Variants in NKAIN3 observed in about 807,000 individuals in gnomAD.
NKAIN3 encodes sodium/potassium transporting ATPase interacting 3, also known as sodium/potassium-transporting ATPase subunit beta-1-interacting protein 3.
NKAIN3 carries 25 observed loss-of-function variants against 30.2 expected under a neutral mutation model. That is an observed-to-expected ratio of 0.83 (90% CI 0.60 to 1.16). The LOEUF is 1.16. Among genes scored for constraint, NKAIN3 ranks in the 50% most tolerant of loss-of-function variants. The pLI is 0.00. For missense variants in NKAIN3, 225 were observed against 254.1 expected (o/e 0.89, Z 0.78); for synonymous variants, 91 against 89.6 (o/e 1.02, Z -0.09).
intron 1 of NKAIN3, among the ~76,000 whole-genome samples, chr8:62,491,462 C>T (rs1015967917): frequency 2.6e-5 from 4 of 152,166 alleles, no homozygotes; most frequent in Admixed American, 6.5e-5. Context: ...CTAGCCCCCA[C>T]ATGTGAATGG....
intron 4 of NKAIN3, among the ~76,000 whole-genome samples, chr8:62,790,884 A>T (rs1189718786): frequency 1.3e-5 from 2 of 152,056 alleles, no homozygotes; most frequent in Non-Finnish European, 2.9e-5. Flanking sequence ...ATCTCTGCCT[A>T]GGTGAGTGGT....
At position 62,341,416 on chromosome 8, in the gene NKAIN3, G is replaced by C. The variant is rs566388694; in HGVS notation, c.54+92289G>C. 2.0e-5 allele frequency among the ~76,000 whole-genome samples: 3 copies of C among 152,098 alleles called. No homozygotes were observed. The South Asian group carries it at 6.2e-4, about 32-fold the overall frequency. Reference sequence around the variant, plus strand: ...TCATTCTAGAAATAATACACCTTGTGAGTTAGAAGCAACCTTGAAGTGCAT... The same window carrying C: ...TCATTCTAGAAATAATACACCTTGTCAGTTAGAAGCAACCTTGAAGTGCAT... On this transcript the variant is annotated intron_variant, in intron 1 of 6. Coordinates refer to ENST00000623646, the MANE Select transcript of NKAIN3 (RefSeq NM_001304533.3).
At chr8:62,763,391 G>A (rs1018887663) in intron 4 of NKAIN3, among the ~76,000 whole-genome samples, 2 of 152,082 alleles carry the variant, frequency 1.3e-5, no homozygotes, top group Admixed American at 6.6e-5. Flanking sequence ...CAATTAGTGT[G>A]TATCAGCATT....
intron 2 of NKAIN3, among the ~76,000 whole-genome samples, chr8:62,581,108 AAT>A (rs1166940067): frequency 7.3e-6 from 1 of 136,300 alleles, no homozygotes; most frequent in Admixed American, 7.9e-5. Flanking sequence ...GTCTCAAAAA[AAT>A]ATAAAATAAA....
rs1804638317 is a variant in NKAIN3 at position 62,421,457 on chromosome 8, C to T, written c.55-158082C>T. Among the ~76,000 whole-genome samples the T allele has an allele frequency of 4.6e-5, 7 of 152,108 alleles. No homozygotes were observed. In the South Asian group the frequency reaches 1.5e-3, roughly 32 times the overall value. On this transcript the variant is annotated intron_variant, in intron 1 of 6. Transcript: ENST00000623646. ...AAGTCTAAGTGTGTATGTACTTTGG[C>T]AGTGCAGGAGAGGATCTAATCCCCA...
chr8:62,750,899 C>A (rs1816259555), intron 4 of NKAIN3, among the ~76,000 whole-genome samples: 1 of 152,088 alleles, frequency 6.6e-6, no homozygotes, highest in East Asian at 1.9e-4. Context: ...ATATGCTCAT[C>A]ACTTCTCACC....
chr8:62,593,869 T>C (rs142855242), intron 3 of NKAIN3, among the ~76,000 whole-genome samples: 2,593 of 152,140 alleles, frequency 0.017, 76 homozygotes, highest in African/African-American at 0.059. Context: ...TAGTCTTCAC[T>C]TCCCCCAAAT....
chr8:62,838,175 AAT>A (rs1316155302), intron 4 of NKAIN3, among the ~76,000 whole-genome samples: 1 of 151,086 alleles, frequency 6.6e-6, no homozygotes, highest in Non-Finnish European at 1.5e-5. Context: ...CATATCATGA[AAT>A]ATACTCAAGC....
chr8:62,448,146 T>C (rs1272496653), intron 1 of NKAIN3, among the ~76,000 whole-genome samples: 1 of 151,948 alleles, frequency 6.6e-6, no homozygotes, highest in East Asian at 1.9e-4. Context: ...CTCTGACATA[T>C]GCCACATTTA....
At chr8:62,547,391 T>G (rs533263849) in intron 1 of NKAIN3, among the ~76,000 whole-genome samples, 21 of 152,288 alleles carry the variant, frequency 1.4e-4, no homozygotes, top group African/African-American at 5.1e-4. Flanking sequence ...TGAAGCCTTG[T>G]GTAAAAAGGA....
chr8:62,926,227 A>T (rs561533594), intron 5 of NKAIN3, among the ~76,000 whole-genome samples: 574 of 152,344 alleles, frequency 3.8e-3, no homozygotes, highest in Non-Finnish European at 6.6e-3. Flanking sequence ...TATCCTGGTT[A>T]TTAGTGGTAA....
At chr8:62,652,238 C>A (rs1052084056) in intron 3 of NKAIN3, among the ~76,000 whole-genome samples, 1 of 152,156 alleles carries the variant, frequency 6.6e-6, no homozygotes. Context: ...TTTAAGAGAA[C>A]TATTACTTGG....
In NKAIN3 at chr8:62,775,575, G is replaced by C. The variant is rs1212984238; in HGVS notation, c.471+28446G>C. ...CTGTCCTCTTAGTACTGCTATTGCT[G>C]TATTCCATAGGTTTTTGCAGGTCAT... On this transcript the variant is annotated intron_variant, in intron 4 of 6. Transcript: ENST00000623646. Among the ~76,000 whole-genome samples, 5 of 151,962 alleles carry C rather than the reference G, an allele frequency of 3.3e-5. No homozygotes were observed. In the East Asian group the frequency reaches 9.6e-4, roughly 29 times the overall value.
intron 1 of NKAIN3, among the ~76,000 whole-genome samples, chr8:62,297,908 G>A (rs1227224618): frequency 1.3e-5 from 2 of 152,088 alleles, no homozygotes; most frequent in Non-Finnish European, 2.9e-5. Flanking sequence ...CAATAGCAAA[G>A]ACTTGGAACC....
chr8:62,287,333 T>C (rs1490281162), intron 1 of NKAIN3, among the ~76,000 whole-genome samples: 1 of 151,974 alleles, frequency 6.6e-6, no homozygotes, highest in Non-Finnish European at 1.5e-5. Flanking sequence ...CATGCATTAA[T>C]ATGGAGTTTG....
At chr8:62,380,238 A>G (rs1445587174) in intron 1 of NKAIN3, among the ~76,000 whole-genome samples, 1 of 152,182 alleles carries the variant, frequency 6.6e-6, no homozygotes, top group Non-Finnish European at 1.5e-5. Flanking sequence ...TAAATTAATA[A>G]ATAGTTTGCA....
chr8:62,804,719 C>T (rs1818208476), intron 4 of NKAIN3, among the ~76,000 whole-genome samples: 1 of 152,172 alleles, frequency 6.6e-6, no homozygotes, highest in African/African-American at 2.4e-5. Context: ...AAACTGGAAG[C>T]ATTCCCTTTG....
intron 1 of NKAIN3, among the ~76,000 whole-genome samples, chr8:62,462,563 C>A (rs576839443): frequency 6.6e-6 from 1 of 152,160 alleles, no homozygotes; most frequent in Non-Finnish European, 1.5e-5. Flanking sequence ...CTAAATTATA[C>A]TTTTACGTTC....
At chr8:62,787,360 T>C (rs1817555311) in intron 4 of NKAIN3, among the ~76,000 whole-genome samples, 1 of 152,008 alleles carries the variant, frequency 6.6e-6, no homozygotes, top group Non-Finnish European at 1.5e-5. Context: ...AAAACAGCTA[T>C]TAATAAAACA....
Sources: allele counts gnomAD v4.1 joint callset (sites outside exome capture counted in the v4.1 genomes callset), GRCh38; gene constraint gnomAD v4.1.1; transcripts MANE v1.5; gene names NCBI Gene and HGNC (gene_info 2026-07-23, HGNC 2026-07-21).